The following LLGL2 variants were observed in gnomAD, a reference collection of about 807,000 sequenced individuals.
The protein encoded by LLGL2 is LLGL2, scribble cell polarity complex component.
In LLGL2, 81 loss-of-function variants were observed where a neutral mutation model predicts 123.2. The ratio of observed to expected loss-of-function variants is 0.66; its 90% CI spans 0.55 to 0.79. LLGL2 has a LOEUF of 0.79. LLGL2 is among the 30% of genes least tolerant of loss of function. LLGL2 has a pLI of 0.00. For synonymous variants in LLGL2, 577 were observed against 594.1 expected, an observed-to-expected ratio of 0.97 and a Z score of 0.42; for missense variants, 1,273 against 1,414.6, an observed-to-expected ratio of 0.90 and a Z score of 1.61.
intron 10 of LLGL2, among the ~76,000 whole-genome samples, chr17:75,567,389 G>A (rs545801525): frequency 2.0e-5 from 3 of 152,090 alleles, no homozygotes; most frequent in Non-Finnish European, 2.9e-5. Flanking sequence ...TCTTGAACCC[G>A]GGAGGCAGAG....
rs1185830524 is a variant in LLGL2 at position 75,570,369 on chromosome 17, C to T, written c.1896C>T (p.Asp632=). Residue 632 remains aspartate, a synonymous_variant, in exon 16 of 26, where the codon GAC becomes GAT. Transcript: ENST00000392550. Reference sequence around the variant, plus strand: ...CAAGGTGCACACTGCACCCCAGTGACCAGCTGGCCTTGGAGGGCCCACTCT... The same window carrying T: ...CAAGGTGCACACTGCACCCCAGTGATCAGCTGGCCTTGGAGGGCCCACTCT... The part of the protein sequence containing the change: ...VFVKCTLHPS[D]QLALEGPLSR... 2.5e-6 allele frequency: 4 copies of T among 1,611,950 alleles called. No homozygotes were observed. Among genetic ancestry groups the T allele is most frequent in the Admixed American group, 1.7e-5 (1 of 59,832 alleles).
chr17:75,573,916 C>CG (rs1231273583), intron 21 of LLGL2, 36 bp from the exon 22 acceptor site: 1 of 1,550,052 alleles, frequency 6.5e-7, no homozygotes, highest in Non-Finnish European at 8.7e-7. Context: ...GCAGGGAGCC[C>CG]GGGGGCCCTG....
chr17:75,570,939 AC>A lies in LLGL2; in HGVS notation c.2026-7del. 6.2e-7 allele frequency: 1 copy of A among 1,602,054 alleles called. No homozygotes were observed. The highest frequency in any genetic ancestry group is 8.5e-7 in the Non-Finnish European group (1 of 1,173,690). ...CCAGAGCTGACCCTTAGGCTGGCCCACCCCTTGCAGGCACAGGAGGGGAGTG... is the reference window on the plus strand; with the variant it reads ...CCAGAGCTGACCCTTAGGCTGGCCCACCCTTGCAGGCACAGGAGGGGAGTG... On this transcript the variant is annotated splice_polypyrimidine_tract_variant and intron_variant, in intron 16 of 25. Transcript: ENST00000392550.
chr17:75,562,115 G>C (rs1598607106), intron 6 of LLGL2, among the ~76,000 whole-genome samples: 1 of 145,372 alleles, frequency 6.9e-6, no homozygotes, highest in South Asian at 2.1e-4. Flanking sequence ...TGTTGGTCCT[G>C]TGCCTGCTGC....
rs1422969767 is a variant in LLGL2 at position 75,549,613 on chromosome 17, G to C, written c.75+6112G>C. ...AGGGCCAGGCTGCCGCCACTGCCAG[G>C]AATCTGAGCTGGCCACACCCAGCCA... On this transcript the variant is annotated intron_variant, in intron 2 of 25. Transcript: ENST00000392550. This position sits in a 1 kb window ranked among gnomAD's most constrained non-coding sequence, Gnocchi z 4.0. 3.3e-5 allele frequency among the ~76,000 whole-genome samples: 5 copies of C among 152,242 alleles called. No individual in the cohort carries two copies. Among genetic ancestry groups the C allele is most frequent in the African/African-American group, 7.2e-5 (3 of 41,468 alleles).
chr17:75,531,352 G>T (rs1000980888), intron 1 of LLGL2, among the ~76,000 whole-genome samples: 1 of 152,156 alleles, frequency 6.6e-6, no homozygotes, highest in Admixed American at 6.5e-5. Flanking sequence ...TTTCCCCGGG[G>T]AGCTATTCGG....
At chr17:75,540,715 C>A (rs1001590774) in intron 1 of LLGL2, among the ~76,000 whole-genome samples, 1 of 152,200 alleles carries the variant, frequency 6.6e-6, no homozygotes, top group Non-Finnish European at 1.5e-5. Flanking sequence ...CGAGTTCTGC[C>A]GCTTCCTACT....
At chr17:75,553,447 G>C (rs1189862158) in intron 2 of LLGL2, among the ~76,000 whole-genome samples, 2 of 152,238 alleles carry the variant, frequency 1.3e-5, no homozygotes, top group Non-Finnish European at 2.9e-5. Context: ...TGACTGATGG[G>C]GGAGGCAGGT....
In LLGL2 at chr17:75,574,510, A is replaced by T; in HGVS notation, c.2996+15A>T. ...GGAGACCGCGGGTGAGGCACCGCCC[A>T]GGCCAGCTGGGGTGGGCCCGAGGCT... On this transcript the variant is annotated intron_variant, in intron 24 of 25. Transcript: ENST00000392550. The T allele has an allele frequency of 6.4e-7, 1 of 1,567,952 alleles. No individual in the cohort carries two copies. The highest frequency in any genetic ancestry group is 8.6e-7 in the Non-Finnish European group (1 of 1,157,664).
At position 75,568,813 on chromosome 17, in the gene LLGL2, AC is replaced by A; in HGVS notation, c.1300del (p.Gln434ArgfsTer100). 1 of 1,594,468 alleles carries A rather than the reference AC, an allele frequency of 6.3e-7. No individual in the cohort carries two copies. The highest frequency in any genetic ancestry group is 8.6e-7 in the Non-Finnish European group (1 of 1,169,312). ...GTGGCACCAGCCTGACCCCAGCCCC[AC>A]CCCAGAGGGACCTGCTGCTCACAGG... is the stretch of plus-strand genomic sequence containing the variant. ...DGGTSLTPAP[P>X]QRDLLLTGHE... On this transcript the variant is annotated frameshift_variant, in exon 12 of 26. Coordinates refer to ENST00000392550, the MANE Select transcript of LLGL2 (RefSeq NM_001031803.2). LOFTEE classifies it high-confidence loss of function.
At chr17:75,542,207 C>T (rs548853776) in intron 1 of LLGL2, among the ~76,000 whole-genome samples, 16 of 152,166 alleles carry the variant, frequency 1.1e-4, no homozygotes, top group East Asian at 3.9e-4. Flanking sequence ...CTCCCAAGAA[C>T]GCGAAATCCT....
intron 1 of LLGL2, among the ~76,000 whole-genome samples, chr17:75,532,138 T>C (rs1313016877): frequency 7.0e-6 from 1 of 143,424 alleles, no homozygotes; most frequent in African/African-American, 2.6e-5. Flanking sequence ...TGGAGTGCAA[T>C]GGCATGATTT....
At chr17:75,525,054 C>G (rs920442737), upstream of LLGL2, 2 of 156,252 alleles carry the variant, frequency 1.3e-5, no homozygotes, top group African/African-American at 4.8e-5. The surrounding 1 kb of genome is among the most constrained non-coding windows in gnomAD (Gnocchi z 4.8). Context: ...GGCGGTGGAG[C>G]GCGCTGCAGC....
At position 75,549,718 on chromosome 17, in the gene LLGL2, C is replaced by G. The variant is rs1598562141; in HGVS notation, c.75+6217C>G. ...GCCTCTGAGGGCCTGGTGCCCACCA[C>G]TGCCTCCTTCCCACCCCCTGAGGAG... On this transcript the variant is annotated intron_variant, in intron 2 of 25. Transcript: ENST00000392550. The surrounding 1 kb of genome is among the most constrained non-coding windows in gnomAD (Gnocchi z 4.0). Among the ~76,000 whole-genome samples the G allele has an allele frequency of 6.6e-6, 1 of 152,212 alleles. No individual in the cohort carries two copies. The highest frequency in any genetic ancestry group is 1.5e-5 in the Non-Finnish European group (1 of 68,032).
At chr17:75,538,601 GAAAA>G (rs2054093715) in intron 1 of LLGL2, 1 of 152,176 alleles carries the variant, frequency 6.6e-6, no homozygotes, top group Non-Finnish European at 1.5e-5. Flanking sequence ...TCTTGAATGG[GAAAA>G]AGAAAGCTGC....
intron 10 of LLGL2, among the ~76,000 whole-genome samples, chr17:75,567,530 T>G (rs1220508505): frequency 1.3e-5 from 2 of 151,992 alleles, no homozygotes; most frequent in African/African-American, 4.8e-5. Flanking sequence ...TCCCAGCTAC[T>G]TGGGAAGCTG....
Position 75,564,208 on chromosome 17 carries a change from T to C in LLGL2, c.882-145T>C. On this transcript the variant is annotated intron_variant, in intron 9 of 25. Coordinates refer to ENST00000392550, the MANE Select transcript of LLGL2 (RefSeq NM_001031803.2). The surrounding 1 kb of genome is among the most constrained non-coding windows in gnomAD (Gnocchi z 4.9). Reference sequence around the variant, plus strand: ...CCCTCACCTTACCTCCAAGTCCTCCTGGGCTGTAGCAGTTGGAAGGAGATG... The same window carrying C: ...CCCTCACCTTACCTCCAAGTCCTCCCGGGCTGTAGCAGTTGGAAGGAGATG... 1 of 1,441,624 alleles carries C rather than the reference T, an allele frequency of 6.9e-7. No homozygotes were observed. The highest frequency in any genetic ancestry group is 9.1e-7 in the Non-Finnish European group (1 of 1,094,950). The allele number at this position is 1,441,624 out of a possible 1,614,324, so 89.3% of individuals were successfully genotyped here.
chr17:75,544,309 C>G lies in LLGL2; in HGVS notation c.75+808C>G, dbSNP rs2054329883. Among the ~76,000 whole-genome samples, 1 of 152,204 alleles carries G rather than the reference C, an allele frequency of 6.6e-6. No individual in the cohort carries two copies. Among genetic ancestry groups the G allele is most frequent in the Non-Finnish European group, 1.5e-5 (1 of 68,032 alleles). On this transcript the variant is annotated intron_variant, in intron 2 of 25. Transcript: ENST00000392550. This position sits in a 1 kb window ranked among gnomAD's most constrained non-coding sequence, Gnocchi z 4.2. Reference sequence around the variant, plus strand: ...CTGTGATCCTCTTCCCCCGGGGAGCCAGGACCCTCCCAATATGCTGAGGGC... The same window carrying G: ...CTGTGATCCTCTTCCCCCGGGGAGCGAGGACCCTCCCAATATGCTGAGGGC...
In LLGL2 at chr17:75,549,893, C is replaced by T. The variant is rs973730342; in HGVS notation, c.76-6153C>T. 1.1e-4 allele frequency among the ~76,000 whole-genome samples: 16 copies of T among 152,356 alleles called. No homozygotes were observed. Among genetic ancestry groups the T allele is most frequent in the Non-Finnish European group, 1.5e-5 (1 of 68,022 alleles). ...AAGGAGTCCCAGAGCCCAGGAGAGACGGGCCTTCTCCCCTACTCCAGGCTA... is the reference window on the plus strand; with the variant it reads ...AAGGAGTCCCAGAGCCCAGGAGAGATGGGCCTTCTCCCCTACTCCAGGCTA... On this transcript the variant is annotated intron_variant, in intron 2 of 25. Transcript: ENST00000392550. The surrounding 1 kb of genome is among the most constrained non-coding windows in gnomAD (Gnocchi z 4.0).
Sources: gnomAD v4.1 joint callset for allele counts (sites outside exome capture counted in the v4.1 genomes callset) on GRCh38, gnomAD v4.1.1 for gene constraint, Gnocchi (gnomAD v3.1) non-coding constraint, MANE v1.5 for transcripts, NCBI Gene and HGNC (gene_info 2026-07-23, HGNC 2026-07-21) for gene names.